The following ANKFN1 variants were observed in gnomAD, a reference collection of about 807,000 sequenced individuals.
ANKFN1 encodes ankyrin repeat and fibronectin type III domain containing 1, also known as ankyrin repeat and fibronectin type-III domain-containing protein 1.
Under a neutral mutation model 108.7 loss-of-function variants are expected in ANKFN1, and 74 were observed. The observed-to-expected ratio is 0.68, with a 90% CI of 0.56 to 0.83. The LOEUF (loss-of-function observed/expected upper bound fraction) is 0.83, where lower values mean the gene tolerates loss of function less well. Ranked by LOEUF, ANKFN1 falls within the 40% of genes least tolerant of loss-of-function variation. ANKFN1 has a pLI of 0.00. For synonymous variants in ANKFN1, 547 were observed against 516.2 expected (o/e 1.06, Z -0.81); for missense variants, 1,505 against 1,382.3 (o/e 1.09, Z -1.41).
At chr17:56,342,353 G>C (rs111243517) in intron 4 of ANKFN1, among the ~76,000 whole-genome samples, 1,996 of 150,964 alleles carry the variant, frequency 0.013, 50 homozygotes, top group African/African-American at 0.046. Context: ...TTTGGGATTT[G>C]TTTGCTCTTG....
rs548960447 is a variant in ANKFN1, at chr17:56,235,943, G to A, written c.53+7986G>A. On this transcript the variant is annotated intron_variant, in intron 3 of 20. Transcript: ENST00000682825. Reference sequence around the variant, plus strand: ...GCACTGAATCTGCAAATCACTTTAGGCAGTATGGCCATTTTAATCATATTG... The same window carrying A: ...GCACTGAATCTGCAAATCACTTTAGACAGTATGGCCATTTTAATCATATTG... 2.6e-5 allele frequency among the ~76,000 whole-genome samples: 4 copies of A among 152,176 alleles called. No individual in the cohort carries two copies. The East Asian group carries it at 5.8e-4, about 22-fold the overall frequency.
intron 8 of ANKFN1, among the ~76,000 whole-genome samples, chr17:56,410,542 T>C (rs1031407366): frequency 2.6e-5 from 4 of 152,230 alleles, no homozygotes; most frequent in African/African-American, 9.6e-5. Flanking sequence ...GTGAGGACAT[T>C]AAAAATCTTT....
chr17:56,365,410 C>A (rs1308395838), intron 6 of ANKFN1, among the ~76,000 whole-genome samples: 1 of 152,120 alleles, frequency 6.6e-6, no homozygotes, highest in African/African-American at 2.4e-5. Flanking sequence ...ATAAGCAACC[C>A]TCCACTGAGA....
chr17:56,223,123 C>A (rs1916002726), intron 2 of ANKFN1, among the ~76,000 whole-genome samples: 1 of 152,052 alleles, frequency 6.6e-6, no homozygotes, highest in Admixed American at 6.6e-5. Context: ...CTAGCATGAG[C>A]TTGTTTTTGT....
At chr17:56,391,212 CATATATATATATATATATAT>C (rs202114506) in intron 8 of ANKFN1, among the ~76,000 whole-genome samples, 13 of 121,418 alleles carry the variant, frequency 1.1e-4, no homozygotes, top group South Asian at 2.6e-4. Flanking sequence ...CCCAAGAATA[CATATATATATATATATATAT>C]ATATATATAT....
intron 4 of ANKFN1, among the ~76,000 whole-genome samples, chr17:56,125,720 T>C (rs900420865): frequency 1.3e-5 from 2 of 152,198 alleles, no homozygotes; most frequent in Non-Finnish European, 2.9e-5. Flanking sequence ...AGTTATGATT[T>C]GAATCCATCA....
intron 3 of ANKFN1, among the ~76,000 whole-genome samples, chr17:56,318,381 A>C (rs1245625520): frequency 2.0e-5 from 3 of 152,184 alleles, no homozygotes; most frequent in Non-Finnish European, 2.9e-5. Flanking sequence ...AACTGGGAAA[A>C]AGTATAAAAT....
At position 56,442,878 on chromosome 17, in the gene ANKFN1, T is replaced by TA; in HGVS notation, c.1045dup (p.Met349AsnfsTer19). 6.2e-7 allele frequency: 1 copy of TA among 1,613,818 alleles called. No homozygotes were observed. Among genetic ancestry groups the TA allele is most frequent in the Non-Finnish European group, 8.5e-7 (1 of 1,179,766 alleles). On this transcript the variant is annotated frameshift_variant, in exon 10 of 21. Transcript: ENST00000682825. LOFTEE classifies it high-confidence loss of function. ...ATTTTGTTCAAGTCTCGGCTTACAA[T>TA]ATGAAAGGATGGGGACCTGCTCAGA...
chr17:56,303,391 C>T (rs888389053), intron 3 of ANKFN1, among the ~76,000 whole-genome samples: 3 of 152,166 alleles, frequency 2.0e-5, no homozygotes, highest in African/African-American at 7.2e-5. Flanking sequence ...TACCTCTAGG[C>T]CACTGGAGTA....
intron 3 of ANKFN1, among the ~76,000 whole-genome samples, chr17:56,257,155 TAGTAAGAACTCAATAGTTTTTATGTC>T (rs1467167374): frequency 6.6e-6 from 1 of 152,204 alleles, no homozygotes; most frequent in Non-Finnish European, 1.5e-5. Flanking sequence ...GTGCCTGGTA[TAGTAAGAACTCAATAGTTTTTATGTC>T]AATGGTGGTG....
At position 56,511,679 on chromosome 17, in the gene ANKFN1, A is replaced by G. The variant is rs913352478; in HGVS notation, c.*410A>G. ...ATGAAGAGAAGTTCTATAAATGAAA[A>G]TAAGATTAGCATCATTTCTCCCTCC... On this transcript the variant is annotated 3_prime_UTR_variant, in exon 21 of 21. Coordinates refer to ENST00000682825, the MANE Select transcript of ANKFN1 (RefSeq NM_001370326.1). 1 of 160,796 alleles carries G rather than the reference A, an allele frequency of 6.2e-6. No homozygotes were observed. Among genetic ancestry groups the G allele is most frequent in the Non-Finnish European group, 1.3e-5 (1 of 74,078 alleles). The allele number at this position is 160,796 out of a possible 1,614,324, so 10.0% of individuals were successfully genotyped here.
chr17:56,226,191 T>C (rs2143898918), intron 2 of ANKFN1, among the ~76,000 whole-genome samples: 1 of 152,288 alleles, frequency 6.6e-6, no homozygotes, highest in South Asian at 2.1e-4. Flanking sequence ...ATGTGAGATC[T>C]TGTTGGGTCA....
chr17:56,321,063 GAAAAAAAA>G (rs11332530), intron 3 of ANKFN1, among the ~76,000 whole-genome samples: 5 of 114,280 alleles, frequency 4.4e-5, no homozygotes, highest in Non-Finnish European at 9.7e-5. Flanking sequence ...TTTTCTTTAG[GAAAAAAAA>G]AAAAAAAAAA....
intron 18 of ANKFN1, among the ~76,000 whole-genome samples, chr17:56,485,471 A>T (rs2050825102): frequency 6.6e-6 from 1 of 152,178 alleles, no homozygotes; most frequent in Admixed American, 6.5e-5. Flanking sequence ...AAAGCAAGAA[A>T]GATAGGAGAT....
chr17:56,486,330 T>C (rs2050857106), intron 18 of ANKFN1, among the ~76,000 whole-genome samples: 1 of 152,212 alleles, frequency 6.6e-6, no homozygotes, highest in African/African-American at 2.4e-5. Flanking sequence ...TTAGTCTTTT[T>C]TTAGGGACCG....
At chr17:56,308,176 A>G (rs181676367) in intron 3 of ANKFN1, among the ~76,000 whole-genome samples, 3 of 152,176 alleles carry the variant, frequency 2.0e-5, no homozygotes. Context: ...AACATAGCAC[A>G]TGTATACATA....
chr17:56,240,635 C>G (rs898210768), intron 3 of ANKFN1, among the ~76,000 whole-genome samples: 5 of 152,222 alleles, frequency 3.3e-5, no homozygotes, highest in Admixed American at 3.3e-4. Flanking sequence ...GACCAGTTTA[C>G]ATTCCTATGA....
rs1425345795 is a variant in ANKFN1, at chr17:56,384,061, T to C, written c.910+9347T>C. On this transcript the variant is annotated intron_variant, in intron 8 of 20. Transcript: ENST00000682825. ...TTTAGACCAATATCCTTGATGAACA[T>C]TGATGCAAAAATCCTCAATAAAATA... Among the ~76,000 whole-genome samples, 4 of 152,182 alleles carry C rather than the reference T, an allele frequency of 2.6e-5. No individual in the cohort carries two copies. In the East Asian group the frequency reaches 5.8e-4, roughly 22 times the overall value.
chr17:56,339,573 C>G lies in ANKFN1; in HGVS notation c.189-11193C>G, dbSNP rs907085620. 2.0e-5 allele frequency among the ~76,000 whole-genome samples: 3 copies of G among 152,162 alleles called. No individual in the cohort carries two copies. In the East Asian group the frequency reaches 5.8e-4, roughly 29 times the overall value. Reference sequence around the variant, plus strand: ...ACCTGCAATATTTGGTTTTCTATTCCTGTGTTAGTTTGCTAAGGATAATGG... The same window carrying G: ...ACCTGCAATATTTGGTTTTCTATTCGTGTGTTAGTTTGCTAAGGATAATGG... On this transcript the variant is annotated intron_variant, in intron 4 of 20. Coordinates refer to ENST00000682825, the MANE Select transcript of ANKFN1 (RefSeq NM_001370326.1).
Sources: gnomAD v4.1 joint callset for allele counts (sites outside exome capture counted in the v4.1 genomes callset) on GRCh38, gnomAD v4.1.1 for gene constraint, MANE v1.5 for transcripts, NCBI Gene and HGNC (gene_info 2026-07-23, HGNC 2026-07-21) for gene names.